MBNL1: variants seen among roughly 807,000 people sequenced by gnomAD.
The protein encoded by MBNL1 is muscleblind-like protein 1.
MBNL1 carries 8 observed loss-of-function variants against 42.2 expected under a neutral mutation model. That is an observed-to-expected ratio of 0.19 (90% CI 0.11 to 0.34). MBNL1 has a LOEUF of 0.34. Ranked by LOEUF, MBNL1 falls within the 10% of genes least tolerant of loss-of-function variation. The probability of loss-of-function intolerance (pLI) is 1.00; values close to 1 mark genes in which losing one functional copy is unlikely to be tolerated. For missense variants in MBNL1, 309 were observed against 495.3 expected (o/e 0.62, Z 3.57); for synonymous variants, 169 against 173.9 (o/e 0.97, Z 0.22).
chr3:152,296,874 A>G (rs958655389), intron 1 of MBNL1, among the ~76,000 whole-genome samples: 2 of 152,138 alleles, frequency 1.3e-5, no homozygotes, highest in African/African-American at 2.4e-5. Flanking sequence ...TGGCTAAGCC[A>G]TGGGGTTACT....
intron 2 of MBNL1, among the ~76,000 whole-genome samples, chr3:152,321,048 T>C (rs548170383): frequency 5.3e-5 from 8 of 152,212 alleles, no homozygotes; most frequent in African/African-American, 1.9e-4. Context: ...TTGCTCCTTA[T>C]TTTTTCTCTC....
intron 2 of MBNL1, among the ~76,000 whole-genome samples, chr3:152,259,630 T>A (rs1431729908): frequency 6.6e-6 from 1 of 152,206 alleles, no homozygotes; most frequent in Non-Finnish European, 1.5e-5. Flanking sequence ...CACCAAAGAC[T>A]GCAACAGCAA....
intron 1 of MBNL1, among the ~76,000 whole-genome samples, chr3:152,271,454 C>G (rs1276126142): frequency 6.6e-6 from 1 of 152,130 alleles, no homozygotes; most frequent in Non-Finnish European, 1.5e-5. Context: ...GTCACTGTTG[C>G]CATACATTAG....
chr3:152,359,023 C>T (rs1029815298), intron 2 of MBNL1, among the ~76,000 whole-genome samples: 2 of 152,164 alleles, frequency 1.3e-5, no homozygotes, highest in Admixed American at 1.3e-4. Context: ...CATTCAAAAG[C>T]TAGATTTACT....
At chr3:152,342,553 A>AACACACACACACACACACACACACAC (rs111644138) in intron 2 of MBNL1, among the ~76,000 whole-genome samples, 18 of 145,998 alleles carry the variant, frequency 1.2e-4, no homozygotes, top group African/African-American at 3.9e-4. Context: ...AACTAAACAA[A>AACACACACACACACACACACACACAC]ACACACACAC....
intron 9 of MBNL1, 96 bp downstream of exon 9, chr3:152,459,441 GA>G (rs1424274592): frequency 6.1e-6 from 3 of 492,202 alleles, no homozygotes; most frequent in African/African-American, 6.0e-5. Context: ...AAATCTCTGA[GA>G]AAATATATAC....
chr3:152,458,179 G>GTC, intron 8 of MBNL1: 3 of 1,613,864 alleles, frequency 1.9e-6, no homozygotes, highest in Non-Finnish European at 2.5e-6. Flanking sequence ...CTGTCCTGCA[G>GTC]CAGCAGGAAA....
At chr3:152,315,627 C>T (rs1254077550) in intron 2 of MBNL1, among the ~76,000 whole-genome samples, 1 of 151,852 alleles carries the variant, frequency 6.6e-6, no homozygotes, top group Admixed American at 6.6e-5. Flanking sequence ...AAGCTTTAGA[C>T]AATTCACACT....
At chr3:152,393,754 A>G (rs1449680646) in intron 2 of MBNL1, among the ~76,000 whole-genome samples, 1 of 152,222 alleles carries the variant, frequency 6.6e-6, no homozygotes, top group Non-Finnish European at 1.5e-5. Flanking sequence ...ATGGATAAAT[A>G]TGAGTATTAA....
chr3:152,318,249 A>G (rs1213918750), intron 2 of MBNL1, among the ~76,000 whole-genome samples: 1 of 152,220 alleles, frequency 6.6e-6, no homozygotes, highest in Non-Finnish European at 1.5e-5. Flanking sequence ...GTTGGAAGAA[A>G]AAAGCAGTCT....
intron 2 of MBNL1, among the ~76,000 whole-genome samples, chr3:152,352,542 A>G (rs1009686037): frequency 6.6e-6 from 1 of 150,382 alleles, no homozygotes; most frequent in Non-Finnish European, 1.5e-5. Flanking sequence ...TCTTCACACA[A>G]TTTTCTTTTC....
intron 3 of MBNL1, among the ~76,000 whole-genome samples, chr3:152,415,767 A>G (rs887336167): frequency 1.3e-5 from 2 of 152,222 alleles, no homozygotes; most frequent in African/African-American, 2.4e-5. Flanking sequence ...TTTGCTGAGC[A>G]GTATATGTGG....
chr3:152,318,612 C>T (rs2073944381), intron 2 of MBNL1, among the ~76,000 whole-genome samples: 1 of 152,114 alleles, frequency 6.6e-6, no homozygotes, highest in Non-Finnish European at 1.5e-5. Context: ...TACAGATTCT[C>T]TTCTAGGTAG....
At chr3:152,320,161 G>GACT (rs1464828187) in intron 2 of MBNL1, among the ~76,000 whole-genome samples, 1 of 152,138 alleles carries the variant, frequency 6.6e-6, no homozygotes, top group Non-Finnish European at 1.5e-5. Flanking sequence ...GTTTCTTCCA[G>GACT]ACTATGACCA....
rs1233824038 is a variant in MBNL1, at chr3:152,338,143, C to G, written c.174+37776C>G. ...AACTAAATCTCCATACCCACTTCATCCGTGTTTTTGGCTTATGTATGGGAT... is the reference window on the plus strand; with the variant it reads ...AACTAAATCTCCATACCCACTTCATGCGTGTTTTTGGCTTATGTATGGGAT... On this transcript the variant is annotated intron_variant, in intron 2 of 9. Transcript: ENST00000324210. 7 of 984,986 alleles carry G rather than the reference C, an allele frequency of 7.1e-6. No individual in the cohort carries two copies. The South Asian group carries it at 1.9e-4, about 26-fold the overall frequency. The allele number at this position is 984,986 out of a possible 1,614,324, so 61.0% of individuals were successfully genotyped here.
chr3:152,330,386 C>A (rs1196393397), intron 2 of MBNL1, among the ~76,000 whole-genome samples: 1 of 152,100 alleles, frequency 6.6e-6, no homozygotes, highest in Non-Finnish European at 1.5e-5. Context: ...TGGCTTGAGC[C>A]ACTATGCTTG....
At chr3:152,309,287 G>T (rs1178144229) in intron 2 of MBNL1, among the ~76,000 whole-genome samples, 1 of 152,144 alleles carries the variant, frequency 6.6e-6, no homozygotes, top group African/African-American at 2.4e-5. Flanking sequence ...GGGTCAGTTG[G>T]TAACGACCTG....
At chr3:152,457,984 T>C in intron 8 of MBNL1, 1 of 618,504 alleles carries the variant, frequency 1.6e-6, no homozygotes, top group South Asian at 2.0e-5. Context: ...TATCTACATA[T>C]ACATACATAT....
chr3:152,280,925 G>A (rs2048069940), intron 1 of MBNL1, among the ~76,000 whole-genome samples: 1 of 151,900 alleles, frequency 6.6e-6, no homozygotes, highest in Non-Finnish European at 1.5e-5. Flanking sequence ...TACATATAAA[G>A]TTTTACTATA....
Sources: gnomAD v4.1 joint callset for allele counts (sites outside exome capture counted in the v4.1 genomes callset) on GRCh38, gnomAD v4.1.1 for gene constraint, MANE v1.5 for transcripts, NCBI Gene and HGNC (gene_info 2026-07-23, HGNC 2026-07-21) for gene names.